The following HMCN1 variants were observed in gnomAD, a reference collection of about 807,000 sequenced individuals.
HMCN1 encodes the protein hemicentin-1.
In HMCN1, 321 loss-of-function variants were observed where a neutral mutation model predicts 625.9. The ratio of observed to expected loss-of-function variants is 0.51; its 90% CI spans 0.47 to 0.56. The LOEUF (loss-of-function observed/expected upper bound fraction) is 0.56. HMCN1 is among the 20% of genes least tolerant of loss of function. The pLI is 0.00. For missense variants in HMCN1, 6,588 were observed against 6,887.3 expected (o/e 0.96, Z 1.54); for synonymous variants, 2,425 against 2,417.6 (o/e 1.00, Z -0.09).
chr1:185,993,191 C>A lies in HMCN1; in HGVS notation c.3387C>A (p.Phe1129Leu), dbSNP rs774653010. ...GGTTTCTTTCTTTTAGACACACATT[C>A]CTCCCTTCTGGTTCAATGAAGATCA... The part of the protein sequence containing the change: ...LISPFSPRHT[F>L]LPSGSMKITE... Residue 1129 changes from phenylalanine (F) to leucine (L), a missense_variant, in exon 23 of 107, where the codon TTC becomes TTA. By Grantham distance (22) the Phe-to-Leu change is conservative (BLOSUM62 0). Around this residue, in one of 3 missense-constraint regions of HMCN1, gnomAD observed 4,628 missense variants for 4,853.1 expected, o/e 0.95. Transcript: ENST00000271588. The A allele has an allele frequency of 6.2e-6, 10 of 1,612,192 alleles. No homozygotes were observed. The highest frequency in any genetic ancestry group is 8.5e-6 in the Non-Finnish European group (10 of 1,178,548).
At chr1:185,883,376 A>G (rs1188748871) in intron 4 of HMCN1, among the ~76,000 whole-genome samples, 2 of 151,912 alleles carry the variant, frequency 1.3e-5, no homozygotes, top group Non-Finnish European at 2.9e-5. Flanking sequence ...CATTTCAACC[A>G]CCCTTAAAAC....
At chr1:186,006,882 ATATTAT>A (rs1653671257) in intron 29 of HMCN1, among the ~76,000 whole-genome samples, 1 of 151,938 alleles carries the variant, frequency 6.6e-6, no homozygotes, top group Non-Finnish European at 1.5e-5. Context: ...ATTTCTATTA[ATATTAT>A]TATATAATTT....
At chr1:185,844,885 G>T (rs1661714344) in intron 1 of HMCN1, among the ~76,000 whole-genome samples, 1 of 152,168 alleles carries the variant, frequency 6.6e-6, no homozygotes, top group Non-Finnish European at 1.5e-5. Context: ...AGACATGCTG[G>T]ATCCAACCAA....
At chr1:185,931,423 G>A (rs1667543278) in intron 10 of HMCN1, among the ~76,000 whole-genome samples, 1 of 152,094 alleles carries the variant, frequency 6.6e-6, no homozygotes, top group Admixed American at 6.6e-5. Flanking sequence ...ATTCACATAT[G>A]CCTAAATATT....
In HMCN1 at chr1:186,189,939, C is replaced by A; in HGVS notation, c.*61C>A. On this transcript the variant is annotated 3_prime_UTR_variant, in exon 107 of 107. Transcript: ENST00000271588. ...GCATTAATCATGGCAATCAAGCCCCCTTCCAGATTACTGTCTCTTGAACAG... is the reference window on the plus strand; with the variant it reads ...GCATTAATCATGGCAATCAAGCCCCATTCCAGATTACTGTCTCTTGAACAG... The A allele has an allele frequency of 6.3e-7, 1 of 1,583,816 alleles. No homozygotes were observed. Among genetic ancestry groups the A allele is most frequent in the South Asian group, 1.1e-5 (1 of 90,286 alleles).
At chr1:185,747,595 T>G (rs1654504778) in intron 1 of HMCN1, among the ~76,000 whole-genome samples, 1 of 152,120 alleles carries the variant, frequency 6.6e-6, no homozygotes, top group South Asian at 2.1e-4. Context: ...GCTGGGATTA[T>G]AGGCATGAGC....
At chr1:186,148,718 G>T (rs1650483683) in intron 93 of HMCN1, among the ~76,000 whole-genome samples, 1 of 151,962 alleles carries the variant, frequency 6.6e-6, no homozygotes, top group Admixed American at 6.6e-5. Context: ...TGTTGGCCAG[G>T]CTGGTCTTGA....
rs1409679577 is a variant in HMCN1 at position 185,965,821 on chromosome 1, A to C, written c.2118A>C (p.Val706=). The C allele has an allele frequency of 1.2e-6, 2 of 1,609,606 alleles. No homozygotes were observed. Among genetic ancestry groups the C allele is most frequent in the Non-Finnish European group, 1.7e-6 (2 of 1,176,038 alleles). The part of the protein sequence containing the change: ...LRYIEAPKLM[V]VQSELLVALG... Reference sequence around the variant, plus strand: ...TTTCAGAAGCCCCTAAGTTGATGGTAGTTCAGAGTGAGCTCTTGGTTGCCC... The same window carrying C: ...TTTCAGAAGCCCCTAAGTTGATGGTCGTTCAGAGTGAGCTCTTGGTTGCCC... Residue 706 remains valine, a synonymous_variant, in exon 14 of 107, where the codon GTA becomes GTC. Coordinates refer to ENST00000271588, the MANE Select transcript of HMCN1 (RefSeq NM_031935.3).
At chr1:185,879,902 G>T (rs1239209581) in intron 4 of HMCN1, among the ~76,000 whole-genome samples, 1 of 152,116 alleles carries the variant, frequency 6.6e-6, no homozygotes, top group Non-Finnish European at 1.5e-5. Context: ...GACTTGCTAT[G>T]GAGAGAAAGT....
At chr1:185,966,195 A>G (rs1650396875) in intron 14 of HMCN1, among the ~76,000 whole-genome samples, 1 of 152,118 alleles carries the variant, frequency 6.6e-6, no homozygotes, top group South Asian at 2.1e-4. Flanking sequence ...TCCTGAAGAA[A>G]ATTGTCCAAG....
intron 45 of HMCN1, 30 bp from the exon 46 acceptor site, chr1:186,057,204 A>T: frequency 6.3e-7 from 1 of 1,585,920 alleles, no homozygotes; most frequent in Non-Finnish European, 8.7e-7. Context: ...TAATATTTCC[A>T]TTCCCTGTTT....
At chr1:185,786,053 A>G (rs61829860) in intron 1 of HMCN1, among the ~76,000 whole-genome samples, 35,481 of 152,134 alleles carry the variant, frequency 0.23, 4,590 homozygotes, top group Non-Finnish European at 0.29. Context: ...ATAATCAGTA[A>G]AATACTGCAT....
chr1:185,791,809 T>G (rs1367180871), intron 1 of HMCN1, among the ~76,000 whole-genome samples: 1 of 152,182 alleles, frequency 6.6e-6, no homozygotes, highest in Non-Finnish European at 1.5e-5. Context: ...GGTGATATTA[T>G]TTTTAACACC....
intron 14 of HMCN1, among the ~76,000 whole-genome samples, chr1:185,968,748 A>G (rs913537160): frequency 1.3e-5 from 2 of 151,986 alleles, no homozygotes; most frequent in African/African-American, 4.8e-5. Context: ...ATTGTCAGTA[A>G]AGTTTATATA....
intron 104 of HMCN1, among the ~76,000 whole-genome samples, chr1:186,181,238 G>T (rs1042683503): frequency 1.3e-5 from 2 of 152,138 alleles, no homozygotes; most frequent in Non-Finnish European, 2.9e-5. Context: ...TCTTCCACTG[G>T]TTGGTGTATG....
chr1:186,077,320 TA>T (rs1412291644), intron 54 of HMCN1, among the ~76,000 whole-genome samples: 5 of 152,272 alleles, frequency 3.3e-5, no homozygotes, highest in Non-Finnish European at 7.4e-5. Flanking sequence ...AAAATGGCTA[TA>T]AAAAACATTA....
At chr1:185,965,572 TTTTG>T (rs1330011626) in intron 13 of HMCN1, among the ~76,000 whole-genome samples, 2 of 152,112 alleles carry the variant, frequency 1.3e-5, no homozygotes, top group Admixed American at 6.6e-5. Context: ...GATAATTATT[TTTTG>T]TTTTAGTCAT....
chr1:185,881,910 G>A (rs1233446661), intron 4 of HMCN1, among the ~76,000 whole-genome samples: 1 of 152,142 alleles, frequency 6.6e-6, no homozygotes, highest in Non-Finnish European at 1.5e-5. Flanking sequence ...AGTATTTTGA[G>A]AAGTCTCTTA....
At chr1:186,154,327 A>C (rs959975586) in intron 97 of HMCN1, among the ~76,000 whole-genome samples, 3 of 152,192 alleles carry the variant, frequency 2.0e-5, no homozygotes, top group Admixed American at 2.0e-4. Flanking sequence ...GAATCACCTG[A>C]GGTCAGGAGT....
Sources: gnomAD v4.1 joint callset for allele counts (sites outside exome capture counted in the v4.1 genomes callset) on GRCh38, gnomAD v4.1.1 for gene constraint, gnomAD v4.1.1 regional missense constraint, MANE v1.5 for transcripts, NCBI Gene and HGNC (gene_info 2026-07-23, HGNC 2026-07-21) for gene names.